Variants in MRTFA observed in about 807,000 individuals in gnomAD.
The protein encoded by MRTFA is myocardin-related transcription factor A.
In MRTFA, 20 loss-of-function variants were observed where a neutral mutation model predicts 83.5. That is an observed-to-expected ratio of 0.24 (90% CI 0.17 to 0.35). The LOEUF (loss-of-function observed/expected upper bound fraction) is 0.35, where lower values mean the gene tolerates loss of function less well. MRTFA is among the 10% of genes least tolerant of loss of function. The pLI is 1.00. For synonymous variants in MRTFA, 659 were observed against 541.2 expected (o/e 1.22, Z -3.02); for missense variants, 1,200 against 1,224.7 (o/e 0.98, Z 0.30).
chr22:40,484,225 T>C (rs1425368875), intron 3 of MRTFA, among the ~76,000 whole-genome samples: 1 of 152,118 alleles, frequency 6.6e-6, no homozygotes, highest in African/African-American at 2.4e-5. Flanking sequence ...TTTTAGCTAT[T>C]TGACTCAAAA....
Position 40,418,884 on chromosome 22 carries a change from T to C in MRTFA, c.1854A>G (p.Leu618=), listed in dbSNP as rs1186640706. 1 of 1,612,598 alleles carries C rather than the reference T, an allele frequency of 6.2e-7. No individual in the cohort carries two copies. The highest frequency in any genetic ancestry group is 8.5e-7 in the Non-Finnish European group (1 of 1,179,832). Residue 618 remains leucine, a synonymous_variant, in exon 12 of 15, where the codon CTA becomes CTG. Coordinates refer to ENST00000355630, the MANE Select transcript of MRTFA (RefSeq NM_020831.6). ...GCATCTGGTCCTTGTCGCGCCCCTC[T>C]AGCTCCGCCCGCCCCCCAGGGCTCA...
intron 2 of MRTFA, among the ~76,000 whole-genome samples, chr22:40,594,249 T>C (rs568163843): frequency 4.4e-4 from 67 of 152,338 alleles, no homozygotes; most frequent in African/African-American, 1.3e-3. Flanking sequence ...TAGTCTACCA[T>C]TCACACAGGC....
chr22:40,623,278 G>C (rs2147438532), intron 1 of MRTFA, among the ~76,000 whole-genome samples: 1 of 152,020 alleles, frequency 6.6e-6, no homozygotes, highest in South Asian at 2.1e-4. Context: ...GTAACACGGT[G>C]ATTGATTCTC....
chr22:40,581,354 A>G (rs555235878), intron 2 of MRTFA, among the ~76,000 whole-genome samples: 11 of 152,314 alleles, frequency 7.2e-5, no homozygotes, highest in African/African-American at 2.6e-4. Flanking sequence ...AAATACATAC[A>G]AGATGTATAT....
At position 40,502,735 on chromosome 22, in the gene MRTFA, G is replaced by A. The variant is rs1460613691; in HGVS notation, c.242-39449C>T. Among the ~76,000 whole-genome samples, 4 of 151,604 alleles carry A rather than the reference G, an allele frequency of 2.6e-5. 1 individual carries two copies. Among genetic ancestry groups the A allele is most frequent in the Non-Finnish European group, 4.4e-5 (3 of 67,896 alleles). ...CTTGCCCTCGGGCCCCGCGGGGCCC[G>A]TCTGCTTCTCCAGCCGCTGCCTCCC... On this transcript the variant is annotated intron_variant, in intron 3 of 14. Transcript: ENST00000355630.
chr22:40,451,257 T>G (rs532699869), intron 4 of MRTFA, among the ~76,000 whole-genome samples: 24 of 152,002 alleles, frequency 1.6e-4, no homozygotes, highest in African/African-American at 5.3e-4. Flanking sequence ...AACCAAAGAG[T>G]TGTCAACAGT....
intron 3 of MRTFA, among the ~76,000 whole-genome samples, chr22:40,475,084 C>A (rs1430489907): frequency 1.3e-5 from 2 of 150,218 alleles, no homozygotes. Flanking sequence ...GGTGATCCGC[C>A]TGCCTTGGCC....
intron 2 of MRTFA, among the ~76,000 whole-genome samples, chr22:40,561,212 CTG>C (rs60830555): frequency 0.32 from 46,430 of 145,552 alleles, 7,654 homozygotes; most frequent in East Asian, 0.62. Context: ...GTGTGTGTGT[CTG>C]TGTGTGTGTG....
intron 1 of MRTFA, among the ~76,000 whole-genome samples, chr22:40,614,306 G>C (rs1444105593): frequency 6.6e-6 from 1 of 151,426 alleles, no homozygotes; most frequent in Non-Finnish European, 1.5e-5. Context: ...AGCTACTTGG[G>C]AGGCTAAGGT....
intron 4 of MRTFA, among the ~76,000 whole-genome samples, chr22:40,462,330 T>TTGAATGAA (rs576201937): frequency 3.9e-5 from 6 of 152,084 alleles, no homozygotes; most frequent in Non-Finnish European, 8.8e-5. Context: ...CTCAAAGATT[T>TTGAATGAA]TGAATGAATG....
chr22:40,511,339 G>A (rs2147242274), intron 3 of MRTFA, among the ~76,000 whole-genome samples: 1 of 152,194 alleles, frequency 6.6e-6, no homozygotes, highest in East Asian at 1.9e-4. Flanking sequence ...CTATAAATTA[G>A]GGAATGCAGG....
intron 2 of MRTFA, among the ~76,000 whole-genome samples, chr22:40,588,348 G>A (rs1195141711): frequency 2.0e-5 from 3 of 151,992 alleles, no homozygotes; most frequent in Non-Finnish European, 2.9e-5. Flanking sequence ...TTGTAACTAA[G>A]ATAAAACATT....
chr22:40,413,342 ATTTT>A (rs113118987), intron 14 of MRTFA, among the ~76,000 whole-genome samples: 2 of 136,808 alleles, frequency 1.5e-5, no homozygotes, highest in African/African-American at 2.7e-5. Context: ...TTTTACCACA[ATTTT>A]TTTTTTTTTT....
At position 40,583,629 on chromosome 22, in the gene MRTFA, C is replaced by G. The variant is rs566782237; in HGVS notation, c.-22+11045G>C. ...ACTATTACGGCCTGAGCTCTGCCTC[C>G]TGTCAGATCAGCAGTGGCATTAGAT... On this transcript the variant is annotated intron_variant, in intron 2 of 14. Coordinates refer to ENST00000355630, the MANE Select transcript of MRTFA (RefSeq NM_020831.6). 4.6e-5 allele frequency among the ~76,000 whole-genome samples: 7 copies of G among 152,314 alleles called. No individual in the cohort carries two copies. In the South Asian group the frequency reaches 1.0e-3, roughly 23 times the overall value.
intron 6 of MRTFA, among the ~76,000 whole-genome samples, chr22:40,430,494 A>G (rs1310515722): frequency 6.6e-6 from 1 of 152,104 alleles, no homozygotes; most frequent in African/African-American, 2.4e-5. Flanking sequence ...CTCAAAAAAA[A>G]AAGACTAGAC....
At chr22:40,614,458 T>G (rs2056426374) in intron 1 of MRTFA, among the ~76,000 whole-genome samples, 1 of 151,952 alleles carries the variant, frequency 6.6e-6, no homozygotes, top group South Asian at 2.1e-4. Flanking sequence ...ATGTTGAGTA[T>G]CTTTTTACAT....
chr22:40,411,493 G>A lies in MRTFA; in HGVS notation c.2993C>T (p.Pro998Leu). ...GCTGAGGGGGGCTAGGCTCAGCACG[G>A]GACCACCTGACGACAGCTCCAGCCA... Residue 998 changes from proline to leucine, a missense_variant, in exon 15 of 15, where the codon CCC becomes CTC. Pro to Leu is a moderately conservative substitution (Grantham distance 98). Coordinates refer to ENST00000355630, the MANE Select transcript of MRTFA (RefSeq NM_020831.6). The A allele has an allele frequency of 6.2e-7, 1 of 1,610,804 alleles. No homozygotes were observed. The highest frequency in any genetic ancestry group is 8.5e-7 in the Non-Finnish European group (1 of 1,177,558).
chr22:40,412,050 G>C, intron 14 of MRTFA, 143 bp from the exon 15 acceptor site: 1 of 623,704 alleles, frequency 1.6e-6, no homozygotes, highest in Non-Finnish European at 2.5e-6. Context: ...TAAGAGCTAA[G>C]ACTATAAAAC....
intron 1 of MRTFA, among the ~76,000 whole-genome samples, chr22:40,596,937 T>G (rs897592496): frequency 1.3e-5 from 2 of 151,728 alleles, no homozygotes; most frequent in African/African-American, 4.8e-5. Flanking sequence ...ATCACACCAC[T>G]GCACTCCAGC....
Sources: allele counts gnomAD v4.1 joint callset (sites outside exome capture counted in the v4.1 genomes callset), GRCh38; gene constraint gnomAD v4.1.1; transcripts MANE v1.5; gene names NCBI Gene and HGNC (gene_info 2026-07-23, HGNC 2026-07-21).